ANXA4: variants seen among roughly 807,000 people sequenced by gnomAD.
ANXA4 encodes 35-beta calcimedin.
In ANXA4, 39 loss-of-function variants were observed where a neutral mutation model predicts 49.8. The observed-to-expected ratio is 0.78, with a 90% confidence interval of 0.61 to 1.02. The LOEUF (loss-of-function observed/expected upper bound fraction) is 1.02, where lower values mean the gene tolerates loss of function less well. Among genes scored for constraint, ANXA4 ranks in the 50% least tolerant of loss-of-function variants. The pLI is 0.00. For synonymous variants in ANXA4, 134 were observed against 152.5 expected, an observed-to-expected ratio of 0.88 and a Z score of 0.89; for missense variants, 360 against 410.1, an observed-to-expected ratio of 0.88 and a Z score of 1.05.
At chr2:69,717,030 G>A (rs911549885) in intron 2 of ANXA4, among the ~76,000 whole-genome samples, 5 of 152,140 alleles carry the variant, frequency 3.3e-5, no homozygotes, top group Non-Finnish European at 7.3e-5. Context: ...AACCAATCAA[G>A]AAACAAGGGA....
chr2:69,794,902 C>T (rs1318122693), intron 3 of ANXA4, among the ~76,000 whole-genome samples: 1 of 152,108 alleles, frequency 6.6e-6, no homozygotes, highest in Non-Finnish European at 1.5e-5. Flanking sequence ...TCCCTGTGCC[C>T]AGGTACTCAC....
chr2:69,706,882 T>C (rs79676711), intron 2 of ANXA4, among the ~76,000 whole-genome samples: 1 of 152,192 alleles, frequency 6.6e-6, no homozygotes, highest in African/African-American at 2.4e-5. Context: ...TAGAAATGCT[T>C]TTATGTCATC....
intron 1 of ANXA4, among the ~76,000 whole-genome samples, chr2:69,779,300 G>C (rs1348181885): frequency 6.6e-6 from 1 of 152,042 alleles, no homozygotes; most frequent in South Asian, 2.1e-4. Flanking sequence ...TAAATGTGTC[G>C]TCTATCTCTC....
At chr2:69,693,459 G>A (rs1678043576) in intron 2 of ANXA4, among the ~76,000 whole-genome samples, 2 of 152,136 alleles carry the variant, frequency 1.3e-5, no homozygotes, top group Admixed American at 1.3e-4. Flanking sequence ...AGCTCAGTGA[G>A]ACATTTGGGG....
intron 1 of ANXA4, among the ~76,000 whole-genome samples, chr2:69,775,785 C>T (rs1316309452): frequency 6.6e-6 from 1 of 152,134 alleles, no homozygotes. Context: ...GTAGGTTGGA[C>T]TTTAAGTCTA....
chr2:69,684,740 A>G (rs1298664275), intron 2 of ANXA4, among the ~76,000 whole-genome samples: 2 of 151,922 alleles, frequency 1.3e-5, no homozygotes, highest in Non-Finnish European at 2.9e-5. Flanking sequence ...GGTAAAATGT[A>G]GGGCCACTGT....
chr2:69,716,616 C>T (rs926255091), intron 2 of ANXA4, among the ~76,000 whole-genome samples: 4 of 151,978 alleles, frequency 2.6e-5, no homozygotes, highest in Admixed American at 1.3e-4. Flanking sequence ...TGCTCAAGCT[C>T]GTTTTGAGAA....
At chr2:69,790,933 A>G (rs1672666244) in intron 3 of ANXA4, among the ~76,000 whole-genome samples, 1 of 152,230 alleles carries the variant, frequency 6.6e-6, no homozygotes, top group South Asian at 2.1e-4. Context: ...AAAATAATCT[A>G]TGATAGGACT....
At chr2:69,733,242 G>A (rs902843534) in intron 3 of ANXA4, among the ~76,000 whole-genome samples, 2 of 152,218 alleles carry the variant, frequency 1.3e-5, no homozygotes, top group East Asian at 3.9e-4. Context: ...AAGAATTATT[G>A]GTGTTAAGCT....
intron 1 of ANXA4, among the ~76,000 whole-genome samples, chr2:69,753,770 T>A (rs1272712073): frequency 2.0e-5 from 3 of 152,264 alleles, no homozygotes; most frequent in Non-Finnish European, 4.4e-5. Context: ...CCCACCTTCC[T>A]GGTTTACCAA....
intron 2 of ANXA4, among the ~76,000 whole-genome samples, chr2:69,665,834 C>T (rs906531371): frequency 6.6e-6 from 1 of 152,166 alleles, no homozygotes; most frequent in African/African-American, 2.4e-5. Context: ...AAGCATATGT[C>T]TGATAAGGTA....
At chr2:69,672,069 GT>G (rs1448598538) in intron 2 of ANXA4, among the ~76,000 whole-genome samples, 1 of 152,068 alleles carries the variant, frequency 6.6e-6, no homozygotes, top group Non-Finnish European at 1.5e-5. Flanking sequence ...TTAAAACATT[GT>G]TTTTATAGCA....
intron 1 of ANXA4, among the ~76,000 whole-genome samples, chr2:69,777,026 G>C (rs962644700): frequency 6.6e-6 from 1 of 152,150 alleles, no homozygotes; most frequent in Non-Finnish European, 1.5e-5. Context: ...CAGGAAAACA[G>C]TTTACTTACT....
intron 2 of ANXA4, among the ~76,000 whole-genome samples, chr2:69,714,351 A>AACGC (rs1678798531): frequency 6.6e-6 from 1 of 152,122 alleles, no homozygotes; most frequent in South Asian, 2.1e-4. Flanking sequence ...GTGAGGACCA[A>AACGC]ATGCATCCAT....
At chr2:69,783,462 G>T (rs560616109) in intron 2 of ANXA4, among the ~76,000 whole-genome samples, 155 of 152,180 alleles carry the variant, frequency 1.0e-3, no homozygotes, top group African/African-American at 3.3e-3. Flanking sequence ...TGATCTGCCC[G>T]CCTCGGCCTC....
At chr2:69,643,852 C>G (rs1675879954), upstream of ANXA4, 1 of 1,179,934 alleles carries the variant, frequency 8.5e-7, no homozygotes, top group Non-Finnish European at 1.0e-6. Context: ...ACCGGGGCCT[C>G]TCCTGCAACC....
At chr2:69,820,472 A>G (rs1246669915) in intron 11 of ANXA4, among the ~76,000 whole-genome samples, 1 of 152,076 alleles carries the variant, frequency 6.6e-6, no homozygotes, top group Admixed American at 6.5e-5. Context: ...GGCTCTAGAA[A>G]AGCAGGGAAC....
chr2:69,720,407 C>G (rs1270323877), intron 2 of ANXA4, among the ~76,000 whole-genome samples: 1 of 152,112 alleles, frequency 6.6e-6, no homozygotes, highest in African/African-American at 2.4e-5. Flanking sequence ...ATCCATGGAA[C>G]TTCAAGAAAT....
intron 2 of ANXA4, among the ~76,000 whole-genome samples, chr2:69,655,410 A>G (rs1676398668): frequency 6.6e-6 from 1 of 152,234 alleles, no homozygotes; most frequent in South Asian, 2.1e-4. Context: ...TTATGTAGCC[A>G]AAAAACATAT....
Sources: gnomAD v4.1 joint callset for allele counts (sites outside exome capture counted in the v4.1 genomes callset) on GRCh38, gnomAD v4.1.1 for gene constraint, MANE v1.5 for transcripts, NCBI Gene and HGNC (gene_info 2026-07-23, HGNC 2026-07-21) for gene names.